PIP5K1C: variants seen among roughly 807,000 people sequenced by gnomAD.
PIP5K1C encodes the protein phosphatidylinositol-4-phosphate 5-kinase type 1 gamma.
In PIP5K1C, 45 loss-of-function variants were observed where a neutral mutation model predicts 80.1. The observed-to-expected ratio is 0.56, with a 90% CI of 0.44 to 0.72. PIP5K1C has a LOEUF of 0.72. Among genes scored for constraint, PIP5K1C ranks in the 30% least tolerant of loss-of-function variants. The pLI, the probability that PIP5K1C is intolerant of heterozygous loss-of-function variation, is 0.00. For missense variants in PIP5K1C, 753 were observed against 954.6 expected, an observed-to-expected ratio of 0.79 and a Z score of 2.78; for synonymous variants, 498 against 420.1, an observed-to-expected ratio of 1.19 and a Z score of -2.27.
At chr19:3,654,667 A>T (rs1272970588) in intron 6 of PIP5K1C, among the ~76,000 whole-genome samples, 1 of 151,926 alleles carries the variant, frequency 6.6e-6, no homozygotes, top group Non-Finnish European at 1.5e-5. Context: ...AATAAAAATT[A>T]GCTGGGAGTG....
At chr19:3,697,721 G>C (rs2036170589) in intron 1 of PIP5K1C, among the ~76,000 whole-genome samples, 1 of 152,090 alleles carries the variant, frequency 6.6e-6, no homozygotes, top group Non-Finnish European at 1.5e-5. Flanking sequence ...GGCAGGGATG[G>C]AGCTGACCGT....
chr19:3,678,863 G>A (rs1020015735), intron 1 of PIP5K1C, among the ~76,000 whole-genome samples: 3 of 135,984 alleles, frequency 2.2e-5, no homozygotes, highest in African/African-American at 5.6e-5. Context: ...GAGGGATGGC[G>A]GGATGGCAGG....
chr19:3,666,378 G>A (rs916274656), intron 2 of PIP5K1C, among the ~76,000 whole-genome samples: 1 of 152,270 alleles, frequency 6.6e-6, no homozygotes, highest in Non-Finnish European at 1.5e-5. Flanking sequence ...GCTGGCAGAA[G>A]CTGCAAAGGC....
intron 1 of PIP5K1C, among the ~76,000 whole-genome samples, chr19:3,671,586 G>A (rs531353060): frequency 1.2e-4 from 19 of 152,374 alleles, no homozygotes; most frequent in African/African-American, 4.6e-4. Flanking sequence ...GGTGGAGGTG[G>A]AGCAGGACGG....
intron 1 of PIP5K1C, among the ~76,000 whole-genome samples, chr19:3,687,131 T>C (rs2145594512): frequency 6.6e-6 from 1 of 152,202 alleles, no homozygotes; most frequent in Admixed American, 6.5e-5. Context: ...AGGCAGACGT[T>C]GCAGTGGGCT....
At chr19:3,635,720 C>A (rs1568306292) in intron 16 of PIP5K1C, among the ~76,000 whole-genome samples, 2 of 151,936 alleles carry the variant, frequency 1.3e-5, no homozygotes, top group Non-Finnish European at 2.9e-5. Flanking sequence ...TGGCTTACGC[C>A]TGTAATCCCA....
intron 3 of PIP5K1C, 50 bp downstream of exon 3, chr19:3,664,772 C>G (rs367649778): frequency 7.0e-7 from 1 of 1,428,186 alleles, no homozygotes; most frequent in African/African-American, 1.4e-5. Context: ...GATCCCCCTC[C>G]CCTCTGCTCT....
At chr19:3,636,479 C>G in intron 16 of PIP5K1C, 1 of 985,568 alleles carries the variant, frequency 1.0e-6, no homozygotes, top group Non-Finnish European at 1.2e-6. Flanking sequence ...GTCCAAGCAC[C>G]CCCCTCCGTA....
chr19:3,697,116 G>A (rs898596070), intron 1 of PIP5K1C, among the ~76,000 whole-genome samples: 7 of 150,976 alleles, frequency 4.6e-5, no homozygotes, highest in South Asian at 4.2e-4. Flanking sequence ...AAGGAGGACC[G>A]AGCCAGACGA....
At chr19:3,678,434 GGAT>G (rs1329917734) in intron 1 of PIP5K1C, among the ~76,000 whole-genome samples, 1 of 133,078 alleles carries the variant, frequency 7.5e-6, no homozygotes, top group African/African-American at 2.8e-5. Context: ...GAGGGATGGA[GGAT>G]GGAGAGATGG....
At chr19:3,678,320 G>C (rs534730880) in intron 1 of PIP5K1C, among the ~76,000 whole-genome samples, 63 of 138,716 alleles carry the variant, frequency 4.5e-4, no homozygotes, top group African/African-American at 1.6e-3. Context: ...AGGGATGGAG[G>C]GACGGAGGGA....
intron 1 of PIP5K1C, among the ~76,000 whole-genome samples, chr19:3,686,207 A>C (rs1415110728): frequency 1.3e-5 from 2 of 152,132 alleles, no homozygotes; most frequent in African/African-American, 4.8e-5. Flanking sequence ...AGCCAGGCAC[A>C]GTGACTGACA....
chr19:3,644,832 C>G (rs908521859), intron 11 of PIP5K1C, among the ~76,000 whole-genome samples: 15 of 152,178 alleles, frequency 9.9e-5, no homozygotes, highest in African/African-American at 3.6e-4. Context: ...TGAGCTCTGC[C>G]TCCTCACCAA....
chr19:3,693,544 G>A (rs1309252648), intron 1 of PIP5K1C, among the ~76,000 whole-genome samples: 5 of 152,206 alleles, frequency 3.3e-5, no homozygotes, highest in Admixed American at 1.3e-4. Flanking sequence ...CTGGTCCTGC[G>A]TGAAGGGACA....
At chr19:3,679,959 G>A (rs749985370) in intron 1 of PIP5K1C, among the ~76,000 whole-genome samples, 3 of 152,220 alleles carry the variant, frequency 2.0e-5, no homozygotes, top group Non-Finnish European at 2.9e-5. Flanking sequence ...GACACTGCCC[G>A]GGCTATGGTG....
rs1011442889 is a variant in PIP5K1C, at chr19:3,692,393, C to T, written c.94+7904G>A. Among the ~76,000 whole-genome samples, 4 of 152,194 alleles carry T rather than the reference C, an allele frequency of 2.6e-5. No individual in the cohort carries two copies. The highest frequency in any genetic ancestry group is 1.3e-4 in the Admixed American group (2 of 15,290). On this transcript the variant is annotated intron_variant, in intron 1 of 17. Coordinates refer to ENST00000335312, the MANE Select transcript of PIP5K1C (RefSeq NM_012398.3). The surrounding 1 kb of genome is among the most constrained non-coding windows in gnomAD (Gnocchi z 5.2). ...CTCGCAGCTCGGCCATGCTGGGCCC[C>T]GGCGGCCCCCATGCTGCCCTTCCTG...
At chr19:3,651,781 G>A in intron 8 of PIP5K1C, 45 bp downstream of exon 8, 1 of 1,568,848 alleles carries the variant, frequency 6.4e-7, no homozygotes, top group Non-Finnish European at 8.8e-7. Context: ...TGGAGCCTGT[G>A]GGGAAGGGAA....
intron 5 of PIP5K1C, 43 bp downstream of exon 5, chr19:3,660,923 T>G: frequency 6.7e-7 from 1 of 1,493,702 alleles, no homozygotes; most frequent in Admixed American, 1.7e-5. Context: ...CCTGAACATG[T>G]TCTGTTTCAA....
chr19:3,655,749 C>T (rs1005566733), intron 6 of PIP5K1C, among the ~76,000 whole-genome samples: 1 of 152,212 alleles, frequency 6.6e-6, no homozygotes, highest in Non-Finnish European at 1.5e-5. Flanking sequence ...GAGTCACAGG[C>T]TGTGCTGTGC....
Sources: allele counts gnomAD v4.1 joint callset (sites outside exome capture counted in the v4.1 genomes callset), GRCh38; gene constraint gnomAD v4.1.1; non-coding constraint Gnocchi (gnomAD v3.1); transcripts MANE v1.5; gene names NCBI Gene and HGNC (gene_info 2026-07-23, HGNC 2026-07-21).